The following EVL variants were observed in gnomAD, a reference collection of about 807,000 sequenced individuals.
The protein encoded by EVL is Enah/Vasp-like.
EVL carries 21 observed loss-of-function variants against 59.6 expected under a neutral mutation model. The observed-to-expected ratio is 0.35, with a 90% CI of 0.25 to 0.51. The LOEUF is 0.51. Ranked by LOEUF, EVL falls within the 20% of genes least tolerant of loss-of-function variation. EVL has a pLI of 0.97. For synonymous variants in EVL, 198 were observed against 203.5 expected (o/e 0.97, Z 0.23); for missense variants, 462 against 546.6 (o/e 0.85, Z 1.54).
Position 100,029,523 on chromosome 14 carries a change from A to G in EVL, c.6-55164A>G, listed in dbSNP as rs549048558. Among the ~76,000 whole-genome samples the G allele has an allele frequency of 3.6e-4, 55 of 152,332 alleles. 1 individual carries two copies. The South Asian group carries it at 3.7e-3, about 10-fold the overall frequency. On this transcript the variant is annotated intron_variant, in intron 1 of 13. Transcript: ENST00000402714. ...GGTGTGGAACAGACAGACCAAAAGC[A>G]TGGAGTAGCAGGTAGCAAAGATAAT...
At chr14:99,987,062 C>G (rs1011193010) in intron 1 of EVL, among the ~76,000 whole-genome samples, 1 of 151,974 alleles carries the variant, frequency 6.6e-6, no homozygotes, top group African/African-American at 2.4e-5. Context: ...TGGATTTTAT[C>G]AAAATTAAAA....
chr14:100,127,483 C>A lies in EVL; in HGVS notation c.487+712C>A, dbSNP rs1362785798. Among the ~76,000 whole-genome samples, 2 of 152,176 alleles carry A rather than the reference C, an allele frequency of 1.3e-5. No individual in the cohort carries two copies. Among genetic ancestry groups the A allele is most frequent in the Non-Finnish European group, 1.5e-5 (1 of 68,028 alleles). On this transcript the variant is annotated intron_variant, in intron 5 of 13. Coordinates refer to ENST00000392920, the MANE Select transcript of EVL (RefSeq NM_016337.3). This position sits in a 1 kb window ranked among gnomAD's most constrained non-coding sequence, Gnocchi z 4.2. ...GAGATGCTGGCTGACCCCATCACCC[C>A]CACCTAGCTGCTGCTGGCCTCCTGC...
At chr14:100,046,286 C>T (rs1279511718) in intron 1 of EVL, among the ~76,000 whole-genome samples, 1 of 152,216 alleles carries the variant, frequency 6.6e-6, no homozygotes, top group Non-Finnish European at 1.5e-5. Context: ...CTCAGCCTCA[C>T]ACATACAATG....
At chr14:99,973,175 A>G (rs778813892) in intron 1 of EVL, among the ~76,000 whole-genome samples, 5 of 152,232 alleles carry the variant, frequency 3.3e-5, no homozygotes, top group Non-Finnish European at 7.3e-5. Context: ...AGGTCAAAAG[A>G]TAAGCATATC....
At chr14:100,038,810 G>A (rs2061426939) in intron 1 of EVL, among the ~76,000 whole-genome samples, 2 of 151,626 alleles carry the variant, frequency 1.3e-5, no homozygotes. Context: ...GTGTGTTGCT[G>A]TAAAGAAAGA....
rs988829024 is a variant in EVL at position 100,053,420 on chromosome 14, C to T, written c.6-31267C>T. 9.5e-5 allele frequency among the ~76,000 whole-genome samples: 14 copies of T among 148,044 alleles called. No homozygotes were observed. In the South Asian group the frequency reaches 2.2e-3, roughly 23 times the overall value. On this transcript the variant is annotated intron_variant, in intron 1 of 13. Coordinates refer to the EVL transcript ENST00000402714. ...CATGCTTATACGTATTTTTCTTTAT[C>T]GTCGTTTTAAAATTTGTCAGTGTCT... is the stretch of plus-strand genomic sequence containing the variant.
intron 3 of EVL, among the ~76,000 whole-genome samples, chr14:100,122,567 TC>T (rs1171876344): frequency 6.6e-6 from 1 of 152,174 alleles, no homozygotes; most frequent in Non-Finnish European, 1.5e-5. Flanking sequence ...TGTCCCCACA[TC>T]ATCAGTGCAG....
chr14:100,113,320 G>C (rs141542849), intron 3 of EVL, among the ~76,000 whole-genome samples: 1 of 152,254 alleles, frequency 6.6e-6, no homozygotes, highest in East Asian at 1.9e-4. Flanking sequence ...CTGGAGCTGC[G>C]AGGAAGGTCA....
At chr14:100,031,417 T>C (rs1218936176) in intron 1 of EVL, among the ~76,000 whole-genome samples, 1 of 152,236 alleles carries the variant, frequency 6.6e-6, no homozygotes, top group East Asian at 1.9e-4. Context: ...AATATTTTAT[T>C]TGCAGAGATG....
At position 100,129,577 on chromosome 14, in the gene EVL, T is replaced by C. The variant is rs1888302448; in HGVS notation, c.732T>C (p.Ser244=). Residue 244 remains serine, a synonymous_variant, in exon 7 of 14, where the codon TCT becomes TCC. Transcript: ENST00000392920. ...TTTTTCCTCAGCCAGAAGACGCATC[T>C]GGAGGCTCCAGTCCCAGTGGGACCT... ...LRRVQRPEDA[S]GGSSPSGTSK... 4 of 1,613,678 alleles carry C rather than the reference T, an allele frequency of 2.5e-6. No homozygotes were observed. The South Asian group carries it at 3.3e-5, about 13-fold the overall frequency.
rs1353867183 is a variant in EVL, at chr14:100,114,746, TCTCCTCCCTG to T, written c.359-8786_359-8777del. Reference sequence around the variant, plus strand: ...GCTGTAGGTGATGGGAGCCCCTCTCTCTCCTCCCTGCTCCTCATGGGCCTCTCCTTTCACT... The same window carrying T: ...GCTGTAGGTGATGGGAGCCCCTCTCTCTCCTCATGGGCCTCTCCTTTCACT... On this transcript the variant is annotated intron_variant, in intron 3 of 13. Transcript: ENST00000392920. This position sits in a 1 kb window ranked among gnomAD's most constrained non-coding sequence, Gnocchi z 5.0. 1.3e-5 allele frequency among the ~76,000 whole-genome samples: 2 copies of T among 152,098 alleles called. No individual in the cohort carries two copies. Among genetic ancestry groups the T allele is most frequent in the Non-Finnish European group, 1.5e-5 (1 of 67,994 alleles).
chr14:100,019,444 G>T, intron 1 of EVL: 1 of 541,846 alleles, frequency 1.8e-6, no homozygotes. Context: ...TGATCACATG[G>T]TTTTCTAGCT....
chr14:100,072,338 A>C (rs144934087), intron 1 of EVL, among the ~76,000 whole-genome samples: 1 of 152,166 alleles, frequency 6.6e-6, no homozygotes, highest in Non-Finnish European at 1.5e-5. Context: ...GGGTTCAAGC[A>C]GTTCTCCTGC....
intron 7 of EVL, 116 bp downstream of exon 7, chr14:100,129,800 G>A (rs554977267): frequency 1.4e-6 from 2 of 1,382,046 alleles, no homozygotes; most frequent in South Asian, 3.1e-5. Context: ...CCTGGGTTTA[G>A]CCAAGCAGGG....
intron 9 of EVL, chr14:100,137,296 G>A: frequency 2.0e-6 from 1 of 503,390 alleles, no homozygotes; most frequent in Non-Finnish European, 3.6e-6. Flanking sequence ...CTCGCCCTGT[G>A]GCTCTAGTCA....
rs965357883 is a variant in EVL, at chr14:100,137,587, G to A, written c.974G>A (p.Arg325Gln). Residue 325 changes from arginine to glutamine, a missense_variant, in exon 10 of 14, where the codon CGG becomes CAG. By Grantham distance (43) the Arg-to-Gln change is conservative. Coordinates refer to ENST00000392920, the MANE Select transcript of EVL (RefSeq NM_016337.3). ...TGAAATGAACTGACAGAGGCTGGCC[G>A]GAAGCCCTGGGAGCGGAGCAACTCG... ...SQPPNSSEAG[R>Q]KPWERSNSVE... The A allele has an allele frequency of 4.3e-6, 7 of 1,613,982 alleles. No individual in the cohort carries two copies. Among genetic ancestry groups the A allele is most frequent in the Middle Eastern group, 1.7e-4 (1 of 6,058 alleles).
Position 100,013,189 on chromosome 14 carries a change from C to G in EVL, c.5+41132C>G, listed in dbSNP as rs147704843. Among the ~76,000 whole-genome samples, 1,167 of 151,638 alleles carry G rather than the reference C, an allele frequency of 7.7e-3. 2 individuals are homozygous for G. Among genetic ancestry groups the G allele is most frequent in the African/African-American group, 0.027 (1,116 of 40,934 alleles). ...TTCTAGTTCCATCCCCAGGGACTCT[C>G]TTTGACTAGGGTCCCAAGACACGTA... is the stretch of plus-strand genomic sequence containing the variant. On this transcript the variant is annotated intron_variant, in intron 1 of 13. Transcript: ENST00000402714.
intron 3 of EVL, among the ~76,000 whole-genome samples, chr14:100,105,555 A>G (rs1445999649): frequency 2.6e-5 from 4 of 151,466 alleles, no homozygotes; most frequent in African/African-American, 7.3e-5. Flanking sequence ...TCTGCTTGGT[A>G]AGAGGTCATG....
At chr14:100,052,915 C>T (rs2400848) in intron 1 of EVL, 142,705 of 152,782 alleles carry the variant, frequency 0.93, 66,811 homozygotes, top group African/African-American at 0.94. Flanking sequence ...GAGATCAAGA[C>T]GCCAGGCAGT....
Sources: allele counts gnomAD v4.1 joint callset (sites outside exome capture counted in the v4.1 genomes callset), GRCh38; gene constraint gnomAD v4.1.1; non-coding constraint Gnocchi (gnomAD v3.1); transcripts MANE v1.5; gene names NCBI Gene and HGNC (gene_info 2026-07-23, HGNC 2026-07-21).